The following SPRED2 variants were observed in gnomAD, a reference collection of about 807,000 sequenced individuals.
SPRED2 encodes the protein sprouty related EVH1 domain containing 2, also known as sprouty-related, EVH1 domain-containing protein 2.
SPRED2 carries 47 observed loss-of-function variants against 43.0 expected under a neutral mutation model. That is an observed-to-expected ratio of 1.09 (90% CI 0.87 to 1.40). The LOEUF is 1.40. SPRED2 is among the 40% of genes most tolerant of loss of function. The pLI, the probability that SPRED2 is intolerant of heterozygous loss-of-function variation, is 0.00. For missense variants in SPRED2, 561 were observed against 586.4 expected (o/e 0.96, Z 0.45); for synonymous variants, 225 against 225.7 (o/e 1.00, Z 0.03).
intron 1 of SPRED2, among the ~76,000 whole-genome samples, chr2:65,350,889 G>GC (rs1414866409): frequency 3.3e-5 from 5 of 152,224 alleles, no homozygotes; most frequent in Non-Finnish European, 7.3e-5. Flanking sequence ...GGGCCAGGCG[G>GC]CCCTGAAGTC....
intron 2 of SPRED2, among the ~76,000 whole-genome samples, chr2:65,337,962 T>A (rs1674016759): frequency 6.6e-6 from 1 of 152,176 alleles, no homozygotes; most frequent in South Asian, 2.1e-4. Context: ...AGAAATGTAG[T>A]TTTTTTATAT....
chr2:65,424,163 T>A (rs1403105108), intron 1 of SPRED2, among the ~76,000 whole-genome samples: 2 of 152,126 alleles, frequency 1.3e-5, no homozygotes, highest in Admixed American at 1.3e-4. Context: ...GGCTGGTGGC[T>A]TGGGATACTT....
intron 4 of SPRED2, among the ~76,000 whole-genome samples, chr2:65,323,429 C>G (rs532648279): frequency 6.6e-6 from 1 of 151,940 alleles, no homozygotes; most frequent in South Asian, 2.1e-4. Context: ...TGAGGAAGAA[C>G]CCAGAAAGGA....
chr2:65,335,220 T>G (rs1673930018), intron 2 of SPRED2, among the ~76,000 whole-genome samples: 1 of 152,162 alleles, frequency 6.6e-6, no homozygotes, highest in African/African-American at 2.4e-5. Flanking sequence ...TACCAATCCC[T>G]CTCCACTCTT....
At position 65,432,370 on chromosome 2, in the gene SPRED2, G is replaced by A. The variant is rs1218993751; in HGVS notation, c.-383C>T. The stretch of plus-strand genomic sequence containing the variant: ...GAGGAGGAGAGCGCCGGCCGCGGGT[G>A]GGGGGGCTCAGTCCGGGGTCGCCCC... On this transcript the variant is annotated 5_prime_UTR_variant, in exon 1 of 6. Transcript: ENST00000356388. Among the ~76,000 whole-genome samples the A allele has an allele frequency of 6.6e-6, 1 of 151,476 alleles. No homozygotes were observed. The highest frequency in any genetic ancestry group is 1.5e-5 in the Non-Finnish European group (1 of 67,906).
At chr2:65,353,694 A>C (rs1035148864) in intron 1 of SPRED2, among the ~76,000 whole-genome samples, 1 of 152,108 alleles carries the variant, frequency 6.6e-6, no homozygotes, top group African/African-American at 2.4e-5. Flanking sequence ...GTGCCTCTAT[A>C]CTTTCCTTTA....
Position 65,384,370 on chromosome 2 carries a change from C to CA in SPRED2, c.27-39475dup, listed in dbSNP as rs1675443357. ...CAAGCTTGACGGGCAAAGCTCTTCACAATCCAGCCAAATCTACTTTTACAG... is the reference window on the plus strand; with the variant it reads ...CAAGCTTGACGGGCAAAGCTCTTCACAAATCCAGCCAAATCTACTTTTACAG... On this transcript the variant is annotated intron_variant, in intron 1 of 5. Coordinates refer to ENST00000356388, the MANE Select transcript of SPRED2 (RefSeq NM_181784.3). Among the ~76,000 whole-genome samples, 3 of 152,186 alleles carry CA rather than the reference C, an allele frequency of 2.0e-5. No homozygotes were observed. In the South Asian group the frequency reaches 6.2e-4, roughly 32 times the overall value.
Position 65,361,034 on chromosome 2 carries a change from A to G in SPRED2, c.27-16138T>C, listed in dbSNP as rs76686941. Among the ~76,000 whole-genome samples, 60 of 152,336 alleles carry G rather than the reference A, an allele frequency of 3.9e-4. 1 individual carries two copies. Among genetic ancestry groups the G allele is most frequent in the African/African-American group, 1.4e-3 (57 of 41,572 alleles). ...AGCCTGTGCAACAATGTGGGACCTCATCTCTATTTTTATTAAAAAATTCTT... is the reference window on the plus strand; with the variant it reads ...AGCCTGTGCAACAATGTGGGACCTCGTCTCTATTTTTATTAAAAAATTCTT... On this transcript the variant is annotated intron_variant, in intron 1 of 5. Transcript: ENST00000356388.
At chr2:65,416,146 C>A (rs545270525) in intron 1 of SPRED2, among the ~76,000 whole-genome samples, 1 of 152,256 alleles carries the variant, frequency 6.6e-6, no homozygotes, top group South Asian at 2.1e-4. Context: ...TATTAAAATA[C>A]CAACTCGGGA....
chr2:65,356,617 A>C (rs1271208349), intron 1 of SPRED2, among the ~76,000 whole-genome samples: 2 of 147,772 alleles, frequency 1.4e-5, no homozygotes, highest in African/African-American at 2.5e-5. Flanking sequence ...CCTAATAAGA[A>C]GGTCAGGAAA....
At chr2:65,388,631 C>T (rs1041082672) in intron 1 of SPRED2, among the ~76,000 whole-genome samples, 1 of 152,062 alleles carries the variant, frequency 6.6e-6, no homozygotes, top group African/African-American at 2.4e-5. Flanking sequence ...TCCCTCAGTC[C>T]CCTCCAGTGA....
chr2:65,314,239 A>G (rs1343671808), intron 5 of SPRED2, 70 bp from the exon 6 acceptor site: 28 of 1,427,486 alleles, frequency 2.0e-5, no homozygotes, highest in Non-Finnish European at 2.4e-5. Flanking sequence ...AAAACACCCC[A>G]CCTTCTCCCT....
intron 1 of SPRED2, among the ~76,000 whole-genome samples, chr2:65,356,525 CCCAGTTCCCT>C (rs1206479459): frequency 2.9e-5 from 1 of 35,080 alleles, no homozygotes; most frequent in Non-Finnish European, 4.3e-5. Context: ...AGTGCAGTTC[CCCAGTTCCCT>C]CTTTTTTTTT....
intron 1 of SPRED2, among the ~76,000 whole-genome samples, chr2:65,415,836 C>G (rs1676260962): frequency 1.3e-5 from 2 of 151,950 alleles, no homozygotes; most frequent in African/African-American, 4.8e-5. Context: ...TGGTATATGC[C>G]TCCCTGGGAG....
At chr2:65,325,425 G>C (rs1050435989) in intron 4 of SPRED2, among the ~76,000 whole-genome samples, 4 of 152,238 alleles carry the variant, frequency 2.6e-5, no homozygotes, top group African/African-American at 9.6e-5. Context: ...TATACAGGGA[G>C]ATTCGAAAAC....
At chr2:65,377,778 G>A in intron 1 of SPRED2, 1 of 459,790 alleles carries the variant, frequency 2.2e-6, no homozygotes. Flanking sequence ...TGTCAAAGCG[G>A]CAGTCCTCAG....
At chr2:65,361,238 T>A (rs1281442683) in intron 1 of SPRED2, among the ~76,000 whole-genome samples, 1 of 152,214 alleles carries the variant, frequency 6.6e-6, no homozygotes, top group Non-Finnish European at 1.5e-5. Context: ...AAGAAAACTA[T>A]AAAAGGAAGA....
intron 1 of SPRED2, among the ~76,000 whole-genome samples, chr2:65,401,013 G>A (rs908153226): frequency 2.6e-5 from 4 of 152,076 alleles, no homozygotes; most frequent in African/African-American, 9.7e-5. Flanking sequence ...TGTCGCCTAG[G>A]CTGGTATGCA....
At chr2:65,370,136 C>T (rs775933106) in intron 1 of SPRED2, among the ~76,000 whole-genome samples, 18 of 152,110 alleles carry the variant, frequency 1.2e-4, no homozygotes, top group Admixed American at 8.5e-4. Flanking sequence ...TTTACTTGTT[C>T]CAAATTCAAC....
Sources: gnomAD v4.1 joint callset for allele counts (sites outside exome capture counted in the v4.1 genomes callset) on GRCh38, gnomAD v4.1.1 for gene constraint, MANE v1.5 for transcripts, NCBI Gene and HGNC (gene_info 2026-07-23, HGNC 2026-07-21) for gene names.